Variants in MBNL2 observed in about 807,000 individuals in gnomAD.
MBNL2 encodes the protein muscleblind-like protein 2.
Under a neutral mutation model 41.9 loss-of-function variants are expected in MBNL2, and 17 were observed. The observed-to-expected ratio is 0.41, with a 90% CI of 0.28 to 0.61. The LOEUF is 0.61. MBNL2 is among the 20% of genes least tolerant of loss of function. The pLI is 0.35. For synonymous variants in MBNL2, 195 were observed against 182.9 expected (o/e 1.07, Z -0.53); for missense variants, 336 against 505.6 (o/e 0.66, Z 3.22).
intron 1 of MBNL2, among the ~76,000 whole-genome samples, chr13:97,234,900 C>T (rs1158988788): frequency 1.3e-5 from 2 of 152,238 alleles, no homozygotes; most frequent in Non-Finnish European, 2.9e-5. Flanking sequence ...AGACACACTT[C>T]GCCATCAGTA....
At chr13:97,340,831 T>C (rs2061387888) in intron 3 of MBNL2, among the ~76,000 whole-genome samples, 1 of 152,208 alleles carries the variant, frequency 6.6e-6, no homozygotes, top group Admixed American at 6.5e-5. Flanking sequence ...GATGAACAAG[T>C]GACATATATT....
At chr13:97,181,631 G>A in the MBNL2 span, among the ~76,000 whole-genome samples, 47 of 152,156 alleles carry the variant, frequency 3.1e-4, no homozygotes, top group Non-Finnish European at 5.1e-4. Flanking sequence ...CTTAGAAATT[G>A]GTTCAGCTTT....
chr13:97,381,944 G>A (rs2065489030), intron 8 of MBNL2, among the ~76,000 whole-genome samples: 1 of 152,016 alleles, frequency 6.6e-6, no homozygotes, highest in Admixed American at 6.6e-5. Context: ...AGTGAATACA[G>A]TGCTGATTTT....
intron 2 of MBNL2, among the ~76,000 whole-genome samples, chr13:97,284,432 A>G (rs1473847398): frequency 6.6e-6 from 1 of 152,076 alleles, no homozygotes. Flanking sequence ...CCTTCACATC[A>G]TCTTCCTGGT....
At chr13:97,272,518 C>A (rs938977349) in intron 1 of MBNL2, among the ~76,000 whole-genome samples, 3 of 152,160 alleles carry the variant, frequency 2.0e-5, no homozygotes, top group Non-Finnish European at 4.4e-5. Flanking sequence ...AGTCTTTCTG[C>A]ATGCCTATGT....
chr13:97,345,181 C>T (rs2061737663), intron 4 of MBNL2, among the ~76,000 whole-genome samples: 1 of 152,328 alleles, frequency 6.6e-6, no homozygotes, highest in African/African-American at 2.4e-5. Flanking sequence ...GTATGTCTGA[C>T]TTCCACAATA....
chr13:97,179,485 G>T, the MBNL2 span: 1 of 152,238 alleles, frequency 6.6e-6, no homozygotes, highest in Non-Finnish European at 1.5e-5. Flanking sequence ...AGAGTCGGGG[G>T]TGGTCTTCCC....
chr13:97,200,559 A>C, the MBNL2 span, among the ~76,000 whole-genome samples: 1 of 152,222 alleles, frequency 6.6e-6, no homozygotes, highest in African/African-American at 2.4e-5. Context: ...TAGTCATTGG[A>C]CAACAAAAAA....
At chr13:97,336,615 G>A (rs2060905457) in intron 3 of MBNL2, among the ~76,000 whole-genome samples, 1 of 152,134 alleles carries the variant, frequency 6.6e-6, no homozygotes. Flanking sequence ...GCAACCACCA[G>A]AAGATGGAAG....
At chr13:97,243,883 C>T (rs1250545120) in intron 1 of MBNL2, among the ~76,000 whole-genome samples, 1 of 152,054 alleles carries the variant, frequency 6.6e-6, no homozygotes. Flanking sequence ...ATTTTGTTAT[C>T]ATTCATCAGA....
At chr13:97,153,743 G>C in the MBNL2 span, among the ~76,000 whole-genome samples, 1 of 152,136 alleles carries the variant, frequency 6.6e-6, no homozygotes, top group South Asian at 2.1e-4. Flanking sequence ...ACCCAGCCCA[G>C]AGTCCTGGTG....
chr13:97,157,572 A>G, the MBNL2 span, among the ~76,000 whole-genome samples: 1 of 145,948 alleles, frequency 6.9e-6, no homozygotes, highest in Non-Finnish European at 1.5e-5. Flanking sequence ...ATGTCCCATC[A>G]ATACCTAATT....
Position 97,333,619 on chromosome 13 carries a change from C to A in MBNL2, c.175-657C>A, listed in dbSNP as rs539882500. On this transcript the variant is annotated intron_variant, in intron 2 of 8. Transcript: ENST00000679496. Reference sequence around the variant, plus strand: ...TGTGTATATCACCAAGAAATGTCCACCCCTGCACACTATTGCCTCTTCATC... The same window carrying A: ...TGTGTATATCACCAAGAAATGTCCAACCCTGCACACTATTGCCTCTTCATC... Among the ~76,000 whole-genome samples, 38 of 152,306 alleles carry A rather than the reference C, an allele frequency of 2.5e-4. 2 individuals carry two copies. The South Asian group carries it at 7.7e-3, about 31-fold the overall frequency.
At chr13:97,253,432 AT>A (rs764343584) in intron 1 of MBNL2, among the ~76,000 whole-genome samples, 4 of 152,212 alleles carry the variant, frequency 2.6e-5, no homozygotes, top group Non-Finnish European at 5.9e-5. Context: ...GTGAAAATGT[AT>A]ATACTTATTA....
At chr13:97,233,546 G>A (rs2042772381) in intron 1 of MBNL2, among the ~76,000 whole-genome samples, 1 of 151,748 alleles carries the variant, frequency 6.6e-6, no homozygotes, top group Non-Finnish European at 1.5e-5. Context: ...CTTAGCTGGT[G>A]GAAGGAACTA....
At chr13:97,380,416 C>A (rs1019070832) in intron 8 of MBNL2, among the ~76,000 whole-genome samples, 3 of 152,068 alleles carry the variant, frequency 2.0e-5, no homozygotes, top group Non-Finnish European at 4.4e-5. Flanking sequence ...ATCGCTTGGA[C>A]CTGGGAGGCA....
chr13:97,151,757 C>T, the MBNL2 span, among the ~76,000 whole-genome samples: 1 of 152,096 alleles, frequency 6.6e-6, no homozygotes. Flanking sequence ...GTTTGATGCC[C>T]ATGTTTAAGC....
chr13:97,267,838 G>A (rs1363086096), intron 1 of MBNL2, among the ~76,000 whole-genome samples: 1 of 152,212 alleles, frequency 6.6e-6, no homozygotes, highest in East Asian at 1.9e-4. Flanking sequence ...AGGGAAATCA[G>A]TGAACTCAAA....
At chr13:97,242,128 T>G (rs965040304) in intron 1 of MBNL2, among the ~76,000 whole-genome samples, 2 of 152,078 alleles carry the variant, frequency 1.3e-5, no homozygotes, top group Non-Finnish European at 2.9e-5. Flanking sequence ...TGGGTAGGAT[T>G]TTGACGACAC....
Sources: gnomAD v4.1 joint callset for allele counts (sites outside exome capture counted in the v4.1 genomes callset) on GRCh38, gnomAD v4.1.1 for gene constraint, MANE v1.5 for transcripts, NCBI Gene and HGNC (gene_info 2026-07-23, HGNC 2026-07-21) for gene names.